TLN1: variants seen among roughly 807,000 people sequenced by gnomAD.
The protein encoded by TLN1 is talin-1.
TLN1 carries 56 observed loss-of-function variants against 292.3 expected under a neutral mutation model. The ratio of observed to expected loss-of-function variants is 0.19; its 90% CI spans 0.15 to 0.24. The LOEUF (loss-of-function observed/expected upper bound fraction) is 0.24, where lower values mean the gene tolerates loss of function less well. TLN1 is among the 10% of genes least tolerant of loss of function. The pLI is 1.00. For synonymous variants in TLN1, 1,119 were observed against 1,253.7 expected, an observed-to-expected ratio of 0.89 and a Z score of 2.27; for missense variants, 2,433 against 3,248.2, an observed-to-expected ratio of 0.75 and a Z score of 6.10.
At position 35,725,318 on chromosome 9, in the gene TLN1, C is replaced by T; in HGVS notation, c.134G>A (p.Ser45Asn). Residue 45 changes from serine to asparagine, a missense_variant, in exon 3 of 57, where the codon AGC becomes AAC. Ser to Asn is a conservative substitution (Grantham distance 46, BLOSUM62 1). Around this residue, in one of 7 missense-constraint regions of TLN1, gnomAD observed 155 missense variants for 287.9 expected, o/e 0.54. Coordinates refer to ENST00000314888, the MANE Select transcript of TLN1 (RefSeq NM_006289.4). The stretch of plus-strand genomic sequence containing the variant: ...ATCTGACAGAAAGAGCCCAAAGTCG[C>T]TGGCTAAAAGAGAGGATGGATCACT... Reference protein sequence around the residue: ...RIPEAPAGPPSDFGLFLSDDD... With the variant: ...RIPEAPAGPPNDFGLFLSDDD... 2 of 1,614,154 alleles carry T rather than the reference C, an allele frequency of 1.2e-6. No homozygotes were observed. Among genetic ancestry groups the T allele is most frequent in the Non-Finnish European group, 1.7e-6 (2 of 1,180,016 alleles).
Position 35,700,354 on chromosome 9 carries a change from G to A in TLN1, c.6497C>T (p.Pro2166Leu). Reference sequence around the variant, plus strand: ...GTCTTCTGGGGTAGAGGTCTTGGCAGGTGGCTCTGGGGAACAGAAAACCTG... The same window carrying A: ...GTCTTCTGGGGTAGAGGTCTTGGCAAGTGGCTCTGGGGAACAGAAAACCTG... ...ELAVFCSPEP[P>L]AKTSTPEDFI... Residue 2166 changes from proline (P) to leucine (L), a missense_variant, in exon 49 of 57, where the codon CCT becomes CTT. Physicochemically the swap from Pro to Leu is moderately conservative, Grantham distance 98 (BLOSUM62 -3). Coordinates refer to ENST00000314888, the MANE Select transcript of TLN1 (RefSeq NM_006289.4). The A allele has an allele frequency of 6.2e-7, 1 of 1,602,132 alleles. No homozygotes were observed. Among genetic ancestry groups the A allele is most frequent in the Non-Finnish European group, 8.5e-7 (1 of 1,170,186 alleles).
chr9:35,704,290 C>T lies in TLN1; in HGVS notation c.6047+42G>A. On this transcript the variant is annotated intron_variant, in intron 45 of 56. Transcript: ENST00000314888. The surrounding 1 kb of genome is among the most constrained non-coding windows in gnomAD (Gnocchi z 6.9). ...CTATCCTGCCTCTTCCAGCCCCGTG[C>T]CCCGACCTGTCTGCCTCCCTTAGGC... is the stretch of plus-strand genomic sequence containing the variant. 1.9e-6 allele frequency: 3 copies of T among 1,599,268 alleles called. No homozygotes were observed. The highest frequency in any genetic ancestry group is 8.5e-7 in the Non-Finnish European group (1 of 1,171,944).
At chr9:35,721,621 C>T in intron 10 of TLN1, 27 bp downstream of exon 10, 1 of 1,600,734 alleles carries the variant, frequency 6.2e-7, no homozygotes, top group Non-Finnish European at 8.6e-7. Context: ...TCCCAAAGCA[C>T]TTTCTTGTTA....
Position 35,716,450 on chromosome 9 carries a change from C to G in TLN1, c.2565G>C (p.Lys855Asn), listed in dbSNP as rs1364503993. 3 of 1,614,130 alleles carry G rather than the reference C, an allele frequency of 1.9e-6. No individual in the cohort carries two copies. The highest frequency in any genetic ancestry group is 3.3e-5 in the Admixed American group (2 of 60,006). Residue 855 changes from lysine (K) to asparagine (N), a missense_variant, in exon 20 of 57, where the codon AAG (lysine) becomes AAC (asparagine). By Grantham distance (94) the Lys-to-Asn change is moderately conservative. Transcript: ENST00000314888. The part of the protein sequence containing the change: ...EGESDLENSR[K>N]LLSAAKILAD... ...CTAGGATCTTGGCAGCACTTAAGAG[C>G]TTGCGGGAGTTCTCCAGATCACTTT...
intron 48 of TLN1, 21 bp from the exon 49 acceptor site, chr9:35,700,397 G>T (rs1289083235): frequency 6.3e-7 from 1 of 1,587,760 alleles, no homozygotes; most frequent in South Asian, 1.1e-5. Flanking sequence ...AGAAGAAGAA[G>T]AAAGATTTTA....
intron 25 of TLN1, 121 bp from the exon 26 acceptor site, chr9:35,713,419 C>A: frequency 1.4e-6 from 1 of 735,712 alleles, no homozygotes; most frequent in African/African-American, 1.8e-5. Context: ...TGCGATGGCT[C>A]CCACCTATAA....
chr9:35,720,848 C>T lies in TLN1; in HGVS notation c.1170G>A (p.Gln390=). Residue 390 remains glutamine, a synonymous_variant, in exon 11 of 57, where the codon CAG becomes CAA. Transcript: ENST00000314888. ...VQTTEGEQIA[Q]LIAGYIDIIL... ...TGATATCGATGTAGCCGGCAATGAG[C>T]TGTGCAATCTGCTCCCCTTCAGTTG... 6.2e-7 allele frequency: 1 copy of T among 1,614,138 alleles called. No individual in the cohort carries two copies.
intron 11 of TLN1, 112 bp downstream of exon 11, chr9:35,720,700 A>C: frequency 8.8e-7 from 1 of 1,131,556 alleles, no homozygotes; most frequent in Non-Finnish European, 1.3e-6. Context: ...ATCTCGGCTC[A>C]TTGCAACCTC....
chr9:35,718,370 G>C lies in TLN1; in HGVS notation c.1995+442C>G, dbSNP rs573605610. Among the ~76,000 whole-genome samples, 10 of 152,340 alleles carry C rather than the reference G, an allele frequency of 6.6e-5. No homozygotes were observed. The East Asian group carries it at 1.9e-3, about 29-fold the overall frequency. On this transcript the variant is annotated intron_variant, in intron 17 of 56. Coordinates refer to ENST00000314888, the MANE Select transcript of TLN1 (RefSeq NM_006289.4). ...GAGGCTGTTACCGTAGGGGAATCGG[G>C]GGGAGATCGAACCCCAGCCCCTCTG...
Position 35,711,235 on chromosome 9 carries a change from G to C in TLN1, c.4019+20C>G. 6.2e-7 allele frequency: 1 copy of C among 1,613,948 alleles called. No individual in the cohort carries two copies. Among genetic ancestry groups the C allele is most frequent in the Non-Finnish European group, 8.5e-7 (1 of 1,180,044 alleles). On this transcript the variant is annotated intron_variant, in intron 30 of 56. Transcript: ENST00000314888. The stretch of plus-strand genomic sequence containing the variant: ...TCTCTCTCACACAGTCCAGGGCTGG[G>C]CTTCTCAGCAACTACTTACCTGGCA...
intron 1 of TLN1, among the ~76,000 whole-genome samples, chr9:35,729,957 G>GGGTGTAGAAAAAGGATGAGAAGACAT (rs3834890): frequency 0.25 from 38,303 of 151,372 alleles, 5,081 homozygotes; most frequent in Admixed American, 0.29. Flanking sequence ...GGGGAAGACA[G>GGGTGTAGAAAAAGGATGAGAAGACAT]GGTGTAGAAA....
At chr9:35,728,497 G>A (rs4142495) in intron 1 of TLN1, among the ~76,000 whole-genome samples, 54,055 of 151,682 alleles carry the variant, frequency 0.36, 10,343 homozygotes, top group African/African-American at 0.49. Context: ...AACTTCCCCC[G>A]GTACAGCCCC....
At position 35,698,315 on chromosome 9, in the gene TLN1, G is replaced by T. The variant is rs761813896; in HGVS notation, c.7371+8C>A. 1.5e-5 allele frequency: 24 copies of T among 1,613,934 alleles called. No individual in the cohort carries two copies. The Admixed American group carries it at 4.0e-4, about 27-fold the overall frequency. Reference sequence around the variant, plus strand: ...CCAAGGGACAATGGGATGGGTCAGGGTTCTCACCTGAAGTCGTTTCATTGC... The same window carrying T: ...CCAAGGGACAATGGGATGGGTCAGGTTTCTCACCTGAAGTCGTTTCATTGC... On this transcript the variant is annotated splice_region_variant and intron_variant, in intron 55 of 56. Coordinates refer to ENST00000314888, the MANE Select transcript of TLN1 (RefSeq NM_006289.4). This position sits in a 1 kb window ranked among gnomAD's most constrained non-coding sequence, Gnocchi z 5.3.
chr9:35,727,951 G>A (rs1826006613), intron 1 of TLN1, among the ~76,000 whole-genome samples: 1 of 152,192 alleles, frequency 6.6e-6, no homozygotes, highest in Non-Finnish European at 1.5e-5. Context: ...GTGGGTGGTG[G>A]TGGCAAAGAA....
chr9:35,704,657 G>A lies in TLN1; in HGVS notation c.5880+12C>T. 1 of 1,613,760 alleles carries A rather than the reference G, an allele frequency of 6.2e-7. No homozygotes were observed. The highest frequency in any genetic ancestry group is 8.5e-7 in the Non-Finnish European group (1 of 1,179,952). On this transcript the variant is annotated intron_variant, in intron 44 of 56. Transcript: ENST00000314888. The surrounding 1 kb of genome is among the most constrained non-coding windows in gnomAD (Gnocchi z 6.9). ...AGGCAGTCCCACCATCTGCAGGGATGAGCACCGTCACCTTCTCAGAGACTC... is the reference window on the plus strand; with the variant it reads ...AGGCAGTCCCACCATCTGCAGGGATAAGCACCGTCACCTTCTCAGAGACTC...
In TLN1 at chr9:35,710,988, C is replaced by T. The variant is rs1368262776; in HGVS notation, c.4113+1G>A. 6.2e-7 allele frequency: 1 copy of T among 1,614,074 alleles called. No homozygotes were observed. Among genetic ancestry groups the T allele is most frequent in the East Asian group, 2.2e-5 (1 of 44,906 alleles). ...ATGCCATCAGCCTGCCATGTGTCTA[C>T]CTCCAATTCCCGCAGGGCGTTATCA... On this transcript the variant is annotated splice_donor_variant, in intron 31 of 56. Transcript: ENST00000314888. LOFTEE classifies it high-confidence loss of function.
chr9:35,723,860 G>A (rs1473445422), intron 7 of TLN1, 92 bp downstream of exon 7: 3 of 1,557,660 alleles, frequency 1.9e-6, no homozygotes, highest in Non-Finnish European at 2.6e-6. Flanking sequence ...AAGAAATAGT[G>A]GGGGGCAGGC....
chr9:35,719,454 G>A lies in TLN1; in HGVS notation c.1687+65C>T. 1 of 1,451,254 alleles carries A rather than the reference G, an allele frequency of 6.9e-7. No homozygotes were observed. Among genetic ancestry groups the A allele is most frequent in the Non-Finnish European group, 9.7e-7 (1 of 1,033,114 alleles). 89.9% of individuals were successfully genotyped at this position (1,451,254 alleles called of 1,614,324 possible). On this transcript the variant is annotated intron_variant, in intron 15 of 56. Transcript: ENST00000314888. This position sits in a 1 kb window ranked among gnomAD's most constrained non-coding sequence, Gnocchi z 4.6. ...CAGTCACACATGAAGCCAGTCACAT[G>A]CATGCCTGTGCACACTTGCACCCCC...
In TLN1 at chr9:35,705,762, G is replaced by C. The variant is rs11541908; in HGVS notation, c.5601C>G (p.Thr1867=). ...MVRTAKAIAV[T]VQEMVTKSNT... The stretch of plus-strand genomic sequence containing the variant: ...CGCCCAAACTCACCATCTCCTGAAC[G>C]GTCACTGCAATGGCCTTGGCTGTCC... Residue 1867 remains threonine, a synonymous_variant, in exon 42 of 57, where the codon ACC becomes ACG. Transcript: ENST00000314888. 6.2e-7 allele frequency: 1 copy of C among 1,613,954 alleles called. No individual in the cohort carries two copies. The highest frequency in any genetic ancestry group is 1.3e-5 in the African/African-American group (1 of 74,932).
Sources: gnomAD v4.1 joint callset for allele counts (sites outside exome capture counted in the v4.1 genomes callset) on GRCh38, gnomAD v4.1.1 for gene constraint, gnomAD v4.1.1 regional missense constraint, Gnocchi (gnomAD v3.1) non-coding constraint, MANE v1.5 for transcripts, NCBI Gene and HGNC (gene_info 2026-07-23, HGNC 2026-07-21) for gene names.